The following LRP1B variants were observed in gnomAD, a reference collection of about 807,000 sequenced individuals.
LRP1B encodes LDL receptor related protein 1B.
Under a neutral mutation model 556.6 loss-of-function variants are expected in LRP1B, and 217 were observed. The ratio of observed to expected loss-of-function variants is 0.39; its 90% CI spans 0.35 to 0.44. LRP1B has a LOEUF of 0.44. Among genes scored for constraint, LRP1B ranks in the 20% least tolerant of loss-of-function variants. The pLI, the probability that LRP1B is intolerant of heterozygous loss-of-function variation, is 1.00. For synonymous variants in LRP1B, 2,047 were observed against 1,865.8 expected, an observed-to-expected ratio of 1.10 and a Z score of -2.50; for missense variants, 5,053 against 5,620.8, an observed-to-expected ratio of 0.90 and a Z score of 3.23.
At chr2:140,982,326 C>T (rs1374990321) in intron 17 of LRP1B, 50 bp from the exon 18 acceptor site, 4 of 1,121,588 alleles carry the variant, frequency 3.6e-6, no homozygotes, top group South Asian at 2.5e-5. Flanking sequence ...GCATTTTGAA[C>T]ATCAAGGATA....
intron 2 of LRP1B, among the ~76,000 whole-genome samples, chr2:141,740,819 G>A (rs893796378): frequency 6.6e-6 from 1 of 152,108 alleles, no homozygotes; most frequent in Non-Finnish European, 1.5e-5. Flanking sequence ...TAATCCACAA[G>A]TCTGCATGGA....
At chr2:141,723,690 C>A (rs1183738021) in intron 2 of LRP1B, among the ~76,000 whole-genome samples, 3 of 151,674 alleles carry the variant, frequency 2.0e-5, no homozygotes, top group African/African-American at 4.8e-5. Flanking sequence ...AAATGGCTTG[C>A]AGAAAGAGAT....
intron 18 of LRP1B, among the ~76,000 whole-genome samples, chr2:140,974,021 GGT>G (rs1362767411): frequency 6.6e-6 from 1 of 152,066 alleles, no homozygotes; most frequent in Non-Finnish European, 1.5e-5. Flanking sequence ...TGAAAGAAGT[GGT>G]GTGTTTAACC....
chr2:141,027,104 A>G lies in LRP1B; in HGVS notation c.1790-7002T>C, dbSNP rs140475588. 7.2e-3 allele frequency among the ~76,000 whole-genome samples: 1,091 copies of G among 152,230 alleles called. 7 individuals carry two copies. The highest frequency in any genetic ancestry group is 0.012 in the Non-Finnish European group (837 of 68,006). On this transcript the variant is annotated intron_variant, in intron 11 of 90. Coordinates refer to ENST00000389484, the MANE Select transcript of LRP1B (RefSeq NM_018557.3). The stretch of plus-strand genomic sequence containing the variant: ...ACCTAGGCAAAGTTTCCTTGGAAGA[A>G]GGAAAAGTGGGGCATGGAAGAAGGG...
rs148464084 is a variant in LRP1B at position 141,105,938 on chromosome 2, T to C, written c.1014-43665A>G. Among the ~76,000 whole-genome samples the C allele has an allele frequency of 5.7e-3, 873 of 152,202 alleles. 10 individuals carry two copies. Among genetic ancestry groups the C allele is most frequent in the African/African-American group, 0.02 (824 of 41,522 alleles). On this transcript the variant is annotated intron_variant, in intron 7 of 90. Coordinates refer to ENST00000389484, the MANE Select transcript of LRP1B (RefSeq NM_018557.3). ...CCTCTTAAAAAAAAAGCTGGTCACC[T>C]TGAGAGCAGTGAAAGTTAAAAGTTG...
chr2:141,145,660 A>G (rs1701763767), intron 7 of LRP1B, among the ~76,000 whole-genome samples: 1 of 151,180 alleles, frequency 6.6e-6, no homozygotes, highest in South Asian at 2.1e-4. Context: ...CGGCTTCCCA[A>G]GTAGCTGGGA....
At chr2:141,877,941 A>T (rs961762416) in intron 1 of LRP1B, among the ~76,000 whole-genome samples, 3 of 151,948 alleles carry the variant, frequency 2.0e-5, no homozygotes, top group Non-Finnish European at 4.4e-5. Context: ...ATTTAGAGAC[A>T]CTTTTAACTA....
chr2:140,620,322 A>T (rs1464749679), intron 41 of LRP1B, among the ~76,000 whole-genome samples: 1 of 152,198 alleles, frequency 6.6e-6, no homozygotes, highest in African/African-American at 2.4e-5. Context: ...CAATGAGATT[A>T]AGTTGAAATT....
rs936321083 is a variant in LRP1B, at chr2:141,002,872, T to TA, written c.2503+2462dup. Among the ~76,000 whole-genome samples, 23 of 152,122 alleles carry TA rather than the reference T, an allele frequency of 1.5e-4. 1 individual carries two copies. In the South Asian group the frequency reaches 4.8e-3, roughly 32 times the overall value. On this transcript the variant is annotated intron_variant, in intron 15 of 90. Coordinates refer to ENST00000389484, the MANE Select transcript of LRP1B (RefSeq NM_018557.3). ...ATATAAATGTCAAACATATTTTTAT[T>TA]AAAAAAGGACTTATTTTTGGTAATT...
chr2:142,038,135 G>T (rs564161530), intron 1 of LRP1B, among the ~76,000 whole-genome samples: 1 of 151,544 alleles, frequency 6.6e-6, no homozygotes, highest in African/African-American at 2.4e-5. Flanking sequence ...TCTTATTGAG[G>T]CTATAAATAT....
At chr2:140,509,424 G>A (rs1207111005) in intron 52 of LRP1B, among the ~76,000 whole-genome samples, 2 of 152,100 alleles carry the variant, frequency 1.3e-5, no homozygotes, top group African/African-American at 4.8e-5. Context: ...TGATCCCTCA[G>A]CTTCATTCGG....
At chr2:140,859,236 G>T (rs181174605) in intron 27 of LRP1B, among the ~76,000 whole-genome samples, 111 of 145,786 alleles carry the variant, frequency 7.6e-4, no homozygotes, top group African/African-American at 2.5e-3. Flanking sequence ...TGACAAAAAA[G>T]AAAAAAAAAA....
At chr2:141,044,804 A>G (rs10168597) in intron 11 of LRP1B, among the ~76,000 whole-genome samples, 64,319 of 147,232 alleles carry the variant, frequency 0.44, 15,738 homozygotes, top group Non-Finnish European at 0.55. Flanking sequence ...AAATAGGAAC[A>G]CTTTTACACT....
At chr2:141,444,549 T>C (rs13420856) in intron 3 of LRP1B, among the ~76,000 whole-genome samples, 30,194 of 152,176 alleles carry the variant, frequency 0.2, 3,683 homozygotes, top group East Asian at 0.45. Context: ...TTCAGTATCA[T>C]ATTGTCTGGG....
intron 84 of LRP1B, among the ~76,000 whole-genome samples, chr2:140,294,677 G>A (rs556373686): frequency 1.6e-4 from 24 of 152,244 alleles, no homozygotes; most frequent in African/African-American, 5.3e-4. Context: ...ATAGTAATAG[G>A]GGTCTCCATT....
At chr2:141,100,387 T>C (rs760377678) in intron 7 of LRP1B, among the ~76,000 whole-genome samples, 1 of 152,202 alleles carries the variant, frequency 6.6e-6, no homozygotes, top group African/African-American at 2.4e-5. Context: ...GACCTCTAAC[T>C]GAGGACATCC....
At chr2:141,588,540 C>T (rs1465526221) in intron 2 of LRP1B, among the ~76,000 whole-genome samples, 2 of 152,044 alleles carry the variant, frequency 1.3e-5, no homozygotes, top group Non-Finnish European at 2.9e-5. Context: ...TGTTTTAGCC[C>T]CTCTCCAGCA....
chr2:140,475,998 T>C (rs1260701948), intron 59 of LRP1B, among the ~76,000 whole-genome samples: 1 of 151,942 alleles, frequency 6.6e-6, no homozygotes, highest in Non-Finnish European at 1.5e-5. Flanking sequence ...ATTATGTTAT[T>C]AGAAGTTCTA....
intron 23 of LRP1B, among the ~76,000 whole-genome samples, chr2:140,895,353 A>C (rs1281442059): frequency 2.6e-5 from 4 of 152,162 alleles, no homozygotes; most frequent in Non-Finnish European, 5.9e-5. Flanking sequence ...CCAGAAGAAA[A>C]TGCAATTGAA....
Sources: allele counts gnomAD v4.1 joint callset (sites outside exome capture counted in the v4.1 genomes callset), GRCh38; gene constraint gnomAD v4.1.1; transcripts MANE v1.5; gene names NCBI Gene and HGNC (gene_info 2026-07-23, HGNC 2026-07-21).